CHD1L: variants seen among roughly 807,000 people sequenced by gnomAD.
CHD1L encodes the protein chromodomain helicase DNA binding protein 1 like.
A neutral mutation model predicts 115.9 loss-of-function variants in CHD1L; 118 were observed. The ratio of observed to expected loss-of-function variants is 1.02; its 90% CI spans 0.88 to 1.19. CHD1L has a LOEUF of 1.19. CHD1L is among the 50% of genes most tolerant of loss of function. The pLI is 0.00. For missense variants in CHD1L, 1,179 were observed against 1,065.3 expected (o/e 1.11, Z -1.49); for synonymous variants, 411 against 387.1 (o/e 1.06, Z -0.72).
intron 18 of CHD1L, among the ~76,000 whole-genome samples, chr1:147,287,372 A>C (rs894274000): frequency 2.0e-5 from 3 of 152,200 alleles, no homozygotes; most frequent in African/African-American, 7.2e-5. Context: ...GCCAGGAATC[A>C]CAGATGCACC....
intron 14 of CHD1L, among the ~76,000 whole-genome samples, chr1:147,278,776 G>A (rs1257043269): frequency 2.6e-5 from 4 of 152,246 alleles, no homozygotes; most frequent in African/African-American, 9.6e-5. Flanking sequence ...AGCAGGATGA[G>A]ATAGACACTA....
rs201003881 is a variant in CHD1L at position 147,262,818 on chromosome 1, G to GCC, written c.577-1598_577-1597dup. 9.4e-5 allele frequency among the ~76,000 whole-genome samples: 14 copies of GCC among 149,410 alleles called. No homozygotes were observed. The South Asian group carries it at 1.5e-3, about 16-fold the overall frequency. ...ATTATAAAAGCAGTGTCTTCCTATG[G>GCC]CCCCCCCTCCAAATCAAAATATAGA... is the stretch of plus-strand genomic sequence containing the variant. On this transcript the variant is annotated intron_variant, in intron 6 of 22. Coordinates refer to ENST00000369258, the MANE Select transcript of CHD1L (RefSeq NM_004284.6).
chr1:147,186,328 T>C, the CHD1L span: 4 of 981,096 alleles, frequency 4.1e-6, 1 homozygote, highest in South Asian at 1.9e-4. Flanking sequence ...AAAATGACCA[T>C]GTTTCAAGTA....
At chr1:147,253,740 C>T (rs1483505889) in intron 2 of CHD1L, among the ~76,000 whole-genome samples, 4 of 152,224 alleles carry the variant, frequency 2.6e-5, no homozygotes, top group Non-Finnish European at 1.5e-5. Context: ...TCAAGTGATC[C>T]TCCTGCCTTG....
At chr1:147,255,100 T>C (rs1553939120) in intron 3 of CHD1L, 124 bp downstream of exon 3, 1 of 632,388 alleles carries the variant, frequency 1.6e-6, no homozygotes, top group African/African-American at 1.8e-5. Context: ...CAGAAAACTT[T>C]GAGCTGATAG....
chr1:147,245,765 C>T (rs782598344), intron 1 of CHD1L, among the ~76,000 whole-genome samples: 1 of 151,494 alleles, frequency 6.6e-6, no homozygotes, highest in African/African-American at 2.4e-5. Context: ...ATTGCAGCCT[C>T]GACCTGGGCT....
In CHD1L at chr1:147,280,147, C is replaced by T. The variant is rs1553960883; in HGVS notation, c.1661C>T (p.Ala554Val). Reference protein sequence around the residue: ...ETKDGQWVSDALPAAEGGSRD... With the variant: ...ETKDGQWVSDVLPAAEGGSRD... The stretch of plus-strand genomic sequence containing the variant: ...AAAGATGGCCAGTGGGTCTCTGATG[C>T]CTTGCCTGCAGCAGAAGGAGGGAGC... The change falls in exon 15 of 23, where the codon GCC (alanine) becomes GTC (valine). Residue 554 changes from alanine (A) to valine (V), a missense_variant. By Grantham distance (64) the Ala-to-Val change is moderately conservative (BLOSUM62 0). Transcript: ENST00000369258. 5.0e-6 allele frequency: 8 copies of T among 1,612,040 alleles called. No homozygotes were observed. Among genetic ancestry groups the T allele is most frequent in the Admixed American group, 1.7e-5 (1 of 59,772 alleles).
chr1:147,252,876 C>G (rs782111466), intron 2 of CHD1L, 141 bp downstream of exon 2: 2 of 657,710 alleles, frequency 3.0e-6, no homozygotes, highest in Non-Finnish European at 5.3e-6. Flanking sequence ...GCTCTTGCAC[C>G]GGGAAAGGGC....
At chr1:147,292,828 G>A (rs1211112407) in intron 20 of CHD1L, among the ~76,000 whole-genome samples, 1 of 152,114 alleles carries the variant, frequency 6.6e-6, no homozygotes, top group African/African-American at 2.4e-5. Context: ...ATCCATGAGG[G>A]ATCCACCCCA....
intron 19 of CHD1L, among the ~76,000 whole-genome samples, chr1:147,289,070 A>G (rs1336336394): frequency 5.3e-5 from 8 of 152,168 alleles, no homozygotes; most frequent in Admixed American, 5.2e-4. Context: ...TAGAATGACT[A>G]CTTTTTCTAG....
At chr1:147,276,937 G>A (rs587667933) in intron 14 of CHD1L, among the ~76,000 whole-genome samples, 1 of 152,316 alleles carries the variant, frequency 6.6e-6, no homozygotes, top group East Asian at 1.9e-4. Flanking sequence ...CAGGTATGAA[G>A]GGAGTAATAA....
the CHD1L span, among the ~76,000 whole-genome samples, chr1:147,222,231 G>T: frequency 2.0e-5 from 3 of 152,156 alleles, no homozygotes; most frequent in Non-Finnish European, 2.9e-5. Flanking sequence ...TTAGCAAGGC[G>T]TAGTAGTGCG....
At chr1:147,183,835 A>G in the CHD1L span, among the ~76,000 whole-genome samples, 277 of 152,286 alleles carry the variant, frequency 1.8e-3, no homozygotes, top group Non-Finnish European at 3.2e-3. Flanking sequence ...ACTCCTAACA[A>G]AAGTAACAGG....
the CHD1L span, chr1:147,208,890 C>T: frequency 6.2e-7 from 1 of 1,614,142 alleles, no homozygotes; most frequent in South Asian, 1.1e-5. Flanking sequence ...CATGGTCAAA[C>T]CTTTGGTTTA....
At chr1:147,205,552 G>C in the CHD1L span, among the ~76,000 whole-genome samples, 1 of 152,154 alleles carries the variant, frequency 6.6e-6, no homozygotes. Context: ...CCATGTCAAA[G>C]AGAGAATTAT....
At chr1:147,216,573 T>TA in the CHD1L span, among the ~76,000 whole-genome samples, 2 of 152,128 alleles carry the variant, frequency 1.3e-5, no homozygotes, top group Non-Finnish European at 1.5e-5. Flanking sequence ...CCTAGCCTTT[T>TA]AAAAAAATAT....
At chr1:147,225,352 T>C in the CHD1L span, 1 of 317,012 alleles carries the variant, frequency 3.2e-6, no homozygotes, top group South Asian at 4.6e-5. Context: ...CAGGCGGCTG[T>C]TGTCAAATTA....
intron 1 of CHD1L, among the ~76,000 whole-genome samples, chr1:147,248,983 A>G (rs1031627119): frequency 7.2e-5 from 11 of 152,242 alleles, no homozygotes; most frequent in Non-Finnish European, 1.3e-4. Context: ...TAAAAACTCA[A>G]GAAAAGGAAA....
the CHD1L span, chr1:147,225,125 A>C: frequency 1.3e-6 from 2 of 1,588,896 alleles, no homozygotes; most frequent in Non-Finnish European, 1.7e-6. Flanking sequence ...TTCAAGGAAG[A>C]CCTTGGCCGT....
Sources: allele counts gnomAD v4.1 joint callset (sites outside exome capture counted in the v4.1 genomes callset), GRCh38; gene constraint gnomAD v4.1.1; transcripts MANE v1.5; gene names NCBI Gene and HGNC (gene_info 2026-07-23, HGNC 2026-07-21).